Variants in GALK2 observed in about 807,000 individuals in gnomAD.
The protein encoded by GALK2 is galactokinase 2, also known as N-acetylgalactosamine kinase.
Under a neutral mutation model 52.4 loss-of-function variants are expected in GALK2, and 36 were observed. That is an observed-to-expected ratio of 0.69 (90% CI 0.53 to 0.91). GALK2 has a LOEUF of 0.91. Among genes scored for constraint, GALK2 ranks in the 40% least tolerant of loss-of-function variants. The probability of loss-of-function intolerance (pLI) is 0.00; values close to 1 mark genes in which losing one functional copy is unlikely to be tolerated. For synonymous variants in GALK2, 176 were observed against 199.1 expected (o/e 0.88, Z 0.98); for missense variants, 579 against 559.1 (o/e 1.04, Z -0.36).
intron 5 of GALK2, among the ~76,000 whole-genome samples, chr15:49,250,692 G>A (rs2091555348): frequency 6.6e-6 from 1 of 152,092 alleles, no homozygotes; most frequent in Non-Finnish European, 1.5e-5. Flanking sequence ...ATAGACATCG[G>A]AAAACCCTGG....
At chr15:49,352,798 C>T (rs575858010) in intron 3 of GALK2, among the ~76,000 whole-genome samples, 2 of 152,264 alleles carry the variant, frequency 1.3e-5, no homozygotes, top group African/African-American at 4.8e-5. Context: ...TACCCAATCC[C>T]AAGCAGTTCC....
At chr15:49,339,212 T>G (rs1313807918) in intron 3 of GALK2, among the ~76,000 whole-genome samples, 2 of 152,202 alleles carry the variant, frequency 1.3e-5, no homozygotes, top group African/African-American at 4.8e-5. Context: ...GAAGAGGCAT[T>G]CTGGTTTTTG....
At chr15:49,276,287 T>C (rs985720377) in intron 5 of GALK2, among the ~76,000 whole-genome samples, 5 of 148,630 alleles carry the variant, frequency 3.4e-5, no homozygotes, top group African/African-American at 1.2e-4. Flanking sequence ...TTTGCTGATC[T>C]AGCTTGAGGG....
chr15:49,246,806 C>G lies in GALK2; in HGVS notation c.504+7439C>G, dbSNP rs115126728. Among the ~76,000 whole-genome samples, 980 of 152,250 alleles carry G rather than the reference C, an allele frequency of 6.4e-3. 14 individuals carry two copies. The highest frequency in any genetic ancestry group is 0.022 in the African/African-American group (925 of 41,544). Reference sequence around the variant, plus strand: ...GAGGAGTGCTTTCAAGAGAAGAAGACAGATAAACTTCCTAACCTACCACTT... The same window carrying G: ...GAGGAGTGCTTTCAAGAGAAGAAGAGAGATAAACTTCCTAACCTACCACTT... On this transcript the variant is annotated intron_variant, in intron 5 of 9. Coordinates refer to ENST00000560031, the MANE Select transcript of GALK2 (RefSeq NM_002044.4).
chr15:49,291,148 G>A (rs2033893625), intron 7 of GALK2, among the ~76,000 whole-genome samples: 2 of 150,664 alleles, frequency 1.3e-5, no homozygotes, highest in South Asian at 4.3e-4. Context: ...TAGAGACAAG[G>A]TTTCGCCATT....
chr15:49,271,973 A>G (rs1174981177), intron 5 of GALK2, among the ~76,000 whole-genome samples: 4 of 152,248 alleles, frequency 2.6e-5, no homozygotes. Context: ...TCTGCCTCCT[A>G]GAACTTATGG....
intron 3 of GALK2, chr15:49,365,673 G>GA: frequency 2.0e-6 from 2 of 993,532 alleles, no homozygotes; most frequent in Non-Finnish European, 3.2e-6. Context: ...CACATGACTT[G>GA]AAGCTGGCCA....
chr15:49,297,701 G>C (rs2034606772), intron 8 of GALK2, among the ~76,000 whole-genome samples: 3 of 152,104 alleles, frequency 2.0e-5, no homozygotes, highest in Non-Finnish European at 4.4e-5. Flanking sequence ...TTCTCCATTG[G>C]TTATTTTTGT....
chr15:49,215,175 A>C (rs957806228), intron 2 of GALK2, among the ~76,000 whole-genome samples: 5 of 151,642 alleles, frequency 3.3e-5, no homozygotes, highest in Non-Finnish European at 7.4e-5. Context: ...GACCTTTGAG[A>C]GTTTGATTAA....
rs114832326 is a variant in GALK2, at chr15:49,156,614, G to A, written c.20+598G>A. 1.1e-3 allele frequency: 559 copies of A among 521,954 alleles called. 5 individuals are homozygous for A. The highest frequency in any genetic ancestry group is 9.9e-3 in the African/African-American group (512 of 51,470). The allele number at this position is 521,954 out of a possible 1,614,324, so 32.3% of individuals were successfully genotyped here. A position where few individuals can be genotyped will look rare whatever the true frequency, so the allele number is the denominator to read the frequency against. On this transcript the variant is annotated intron_variant, in intron 1 of 9. Transcript: ENST00000327171. ...GCCAAAGAAATTCAGATTGCCGAAA[G>A]GCCATCACTTTGATATGATAAATAT...
At chr15:49,299,347 C>T (rs1364742350) in intron 8 of GALK2, among the ~76,000 whole-genome samples, 2 of 151,984 alleles carry the variant, frequency 1.3e-5, no homozygotes, top group East Asian at 1.9e-4. Context: ...GTTTTGGTTT[C>T]GTTGATCTTT....
At chr15:49,198,332 A>C (rs2141291651) in intron 1 of GALK2, among the ~76,000 whole-genome samples, 1 of 152,328 alleles carries the variant, frequency 6.6e-6, no homozygotes, top group Non-Finnish European at 1.5e-5. Context: ...TATTGAACCC[A>C]GGAACTAAGA....
intron 9 of GALK2, among the ~76,000 whole-genome samples, chr15:49,320,865 G>C (rs1323745374): frequency 1.3e-5 from 2 of 152,210 alleles, no homozygotes; most frequent in Non-Finnish European, 2.9e-5. Context: ...CTGGAAATAA[G>C]AGGAAGTGGA....
intron 7 of GALK2, among the ~76,000 whole-genome samples, chr15:49,291,400 T>C (rs2033921945): frequency 6.6e-6 from 1 of 152,178 alleles, no homozygotes; most frequent in Admixed American, 6.5e-5. Flanking sequence ...TAAACCCCGC[T>C]TCCTGTCAAA....
At chr15:49,302,090 A>G (rs568684305) in intron 8 of GALK2, among the ~76,000 whole-genome samples, 35 of 152,222 alleles carry the variant, frequency 2.3e-4, no homozygotes, top group Non-Finnish European at 5.0e-4. Flanking sequence ...TCAAGACCAC[A>G]TAGGTGGTAC....
intron 1 of GALK2, among the ~76,000 whole-genome samples, chr15:49,176,887 C>A (rs1283975616): frequency 6.6e-6 from 1 of 152,080 alleles, no homozygotes; most frequent in Non-Finnish European, 1.5e-5. Context: ...TATTTAGAAC[C>A]ATTTATAAAA....
chr15:49,270,100 G>A (rs1364221450), intron 5 of GALK2, among the ~76,000 whole-genome samples: 2 of 152,030 alleles, frequency 1.3e-5, no homozygotes, highest in African/African-American at 2.4e-5. Flanking sequence ...CTATGTCTCA[G>A]TTTTTTATTC....
chr15:49,205,329 A>G (rs2088187876), intron 2 of GALK2, among the ~76,000 whole-genome samples: 1 of 152,176 alleles, frequency 6.6e-6, no homozygotes, highest in Non-Finnish European at 1.5e-5. Flanking sequence ...CAGCTGTACT[A>G]CTTTACATTC....
chr15:49,208,574 C>G (rs113411925), intron 2 of GALK2, among the ~76,000 whole-genome samples: 1 of 152,104 alleles, frequency 6.6e-6, no homozygotes, highest in Non-Finnish European at 1.5e-5. Flanking sequence ...TGGCCCATCA[C>G]GTGGTCTATC....
Sources: allele counts gnomAD v4.1 joint callset (sites outside exome capture counted in the v4.1 genomes callset), GRCh38; gene constraint gnomAD v4.1.1; transcripts MANE v1.5; gene names NCBI Gene and HGNC (gene_info 2026-07-23, HGNC 2026-07-21).